The following ACTL8 variants were observed in gnomAD, a reference collection of about 807,000 sequenced individuals.
ACTL8 encodes the protein actin like 8.
Under a neutral mutation model 9.3 loss-of-function variants are expected in ACTL8, and 3 were observed. The observed-to-expected ratio is 0.32, with a 90% CI of 0.15 to 0.83. The LOEUF (loss-of-function observed/expected upper bound fraction) is 0.83. Among genes scored for constraint, ACTL8 ranks in the 40% least tolerant of loss-of-function variants. The pLI is 0.57. For synonymous variants in ACTL8, 224 were observed against 205.9 expected, an observed-to-expected ratio of 1.09 and a Z score of -0.75; for missense variants, 381 against 492.2, an observed-to-expected ratio of 0.77 and a Z score of 2.14.
chr1:17,812,128 G>T (rs1465004803), intron 1 of ACTL8, among the ~76,000 whole-genome samples: 1 of 152,068 alleles, frequency 6.6e-6, no homozygotes, highest in Non-Finnish European at 1.5e-5. Flanking sequence ...AAAGTGCTGG[G>T]ATTATAGGTG....
chr1:17,780,897 CTG>C (rs2066150537), intron 1 of ACTL8, among the ~76,000 whole-genome samples: 1 of 152,134 alleles, frequency 6.6e-6, no homozygotes, highest in African/African-American at 2.4e-5. Context: ...AAACTGGAGT[CTG>C]TGGTCTCTCT....
At chr1:17,818,898 A>G (rs2053621280) in intron 1 of ACTL8, among the ~76,000 whole-genome samples, 1 of 152,230 alleles carries the variant, frequency 6.6e-6, no homozygotes, top group African/African-American at 2.4e-5. Context: ...CCGGTTTTAT[A>G]CCTAGGTAGA....
chr1:17,823,311 G>T lies in ACTL8; in HGVS notation c.303G>T (p.Thr101=). Residue 101 remains threonine, a synonymous_variant, in exon 2 of 3, where the codon ACG becomes ACT. Coordinates refer to ENST00000375406, the MANE Select transcript of ACTL8 (RefSeq NM_030812.3). This position sits in a 1 kb window ranked among gnomAD's most constrained non-coding sequence, Gnocchi z 5.3. ...AAGAGGTCCCCCCTGTGATCATCAC[G>T]GAGACACCCTTGAGGGAGCCTGCGG... ...REQEVPPVII[T]ETPLREPADR... 6.2e-7 allele frequency: 1 copy of T among 1,614,016 alleles called. No homozygotes were observed. The highest frequency in any genetic ancestry group is 8.5e-7 in the Non-Finnish European group (1 of 1,179,988).
At chr1:17,771,540 G>C (rs1468351839) in intron 1 of ACTL8, among the ~76,000 whole-genome samples, 2 of 152,154 alleles carry the variant, frequency 1.3e-5, no homozygotes, top group African/African-American at 4.8e-5. Flanking sequence ...GAGGTGACTT[G>C]GTTTGGGGGA....
intron 1 of ACTL8, among the ~76,000 whole-genome samples, chr1:17,804,658 A>G (rs1319325845): frequency 6.7e-6 from 1 of 149,522 alleles, no homozygotes; most frequent in Non-Finnish European, 1.5e-5. Context: ...CCCAGGCTGG[A>G]GTACAATGGT....
intron 1 of ACTL8, among the ~76,000 whole-genome samples, chr1:17,811,544 A>G (rs1254190722): frequency 6.6e-6 from 1 of 152,206 alleles, no homozygotes; most frequent in East Asian, 1.9e-4. Flanking sequence ...CTAAGGTCAC[A>G]CAGATGTTCT....
intron 1 of ACTL8, among the ~76,000 whole-genome samples, chr1:17,769,712 G>T (rs1204431824): frequency 6.6e-6 from 1 of 152,222 alleles, no homozygotes; most frequent in Non-Finnish European, 1.5e-5. Flanking sequence ...AAGGGGCCTG[G>T]TGGGCACGTG....
chr1:17,799,418 TG>T (rs770459758), intron 1 of ACTL8, among the ~76,000 whole-genome samples: 1 of 152,198 alleles, frequency 6.6e-6, no homozygotes, highest in Non-Finnish European at 1.5e-5. Context: ...GGTGTCTGAA[TG>T]GATGCGTTTA....
intron 1 of ACTL8, among the ~76,000 whole-genome samples, chr1:17,773,947 C>T (rs1570001362): frequency 6.6e-6 from 1 of 152,228 alleles, no homozygotes; most frequent in African/African-American, 2.4e-5. Context: ...TATGTAATGC[C>T]TGGCACAAGA....
intron 1 of ACTL8, among the ~76,000 whole-genome samples, chr1:17,780,056 A>C (rs1036042603): frequency 6.6e-5 from 10 of 151,896 alleles, no homozygotes; most frequent in Non-Finnish European, 8.8e-5. Flanking sequence ...AAAATAACCA[A>C]ATTAACTGGT....
At chr1:17,759,151 T>C (rs933101757) in intron 1 of ACTL8, among the ~76,000 whole-genome samples, 2 of 152,240 alleles carry the variant, frequency 1.3e-5, no homozygotes, top group Non-Finnish European at 2.9e-5. Context: ...AGATGGGCTT[T>C]TCTGGTTATC....
chr1:17,822,976 C>G lies in ACTL8; in HGVS notation c.-24-9C>G, dbSNP rs754348930. ...CCTGCACAACTAACCCCATCCTTTG[C>G]TTCCGCAGGTCCCACCCACCTCTGC... On this transcript the variant is annotated splice_polypyrimidine_tract_variant and intron_variant, in intron 1 of 2. Transcript: ENST00000375406. The G allele has an allele frequency of 1.9e-6, 3 of 1,585,468 alleles. No homozygotes were observed. The highest frequency in any genetic ancestry group is 2.6e-6 in the Non-Finnish European group (3 of 1,163,632).
At chr1:17,797,624 T>G (rs1156963755) in intron 1 of ACTL8, among the ~76,000 whole-genome samples, 2 of 152,172 alleles carry the variant, frequency 1.3e-5, no homozygotes, top group African/African-American at 4.8e-5. Flanking sequence ...TGTCCTGCCT[T>G]CAGAATGCAG....
chr1:17,804,985 C>G (rs1438956954), intron 1 of ACTL8, among the ~76,000 whole-genome samples: 1 of 152,106 alleles, frequency 6.6e-6, no homozygotes, highest in African/African-American at 2.4e-5. Flanking sequence ...CGGGACCCAC[C>G]TCCTCTCTGC....
intron 1 of ACTL8, among the ~76,000 whole-genome samples, chr1:17,789,437 A>C (rs1325423856): frequency 1.3e-5 from 2 of 151,796 alleles, no homozygotes; most frequent in African/African-American, 4.8e-5. Context: ...GATATCTTCT[A>C]ATTTGTAGTG....
At chr1:17,776,003 C>A (rs1166035876) in intron 1 of ACTL8, among the ~76,000 whole-genome samples, 2 of 152,200 alleles carry the variant, frequency 1.3e-5, no homozygotes, top group Admixed American at 1.3e-4. Context: ...ACTGTTTGTG[C>A]TATCCAGATG....
At chr1:17,792,806 G>C (rs1324496032) in intron 1 of ACTL8, among the ~76,000 whole-genome samples, 1 of 152,176 alleles carries the variant, frequency 6.6e-6, no homozygotes, top group Non-Finnish European at 1.5e-5. Context: ...GTATATGGGA[G>C]ACCAAAGAGA....
chr1:17,785,407 A>T (rs1471700298), intron 1 of ACTL8, among the ~76,000 whole-genome samples: 2 of 152,136 alleles, frequency 1.3e-5, no homozygotes, highest in Non-Finnish European at 2.9e-5. Flanking sequence ...ATTCTGCAAC[A>T]TGTCTCTGAT....
chr1:17,797,257 C>T (rs541180713), intron 1 of ACTL8, among the ~76,000 whole-genome samples: 19 of 152,206 alleles, frequency 1.2e-4, no homozygotes, highest in South Asian at 1.0e-3. Context: ...TGGCAGTTCG[C>T]GGTGATGCCG....
Sources: gnomAD v4.1 joint callset for allele counts (sites outside exome capture counted in the v4.1 genomes callset) on GRCh38, gnomAD v4.1.1 for gene constraint, Gnocchi (gnomAD v3.1) non-coding constraint, MANE v1.5 for transcripts, NCBI Gene and HGNC (gene_info 2026-07-23, HGNC 2026-07-21) for gene names.